The following CBL variants were observed in gnomAD, a reference collection of about 807,000 sequenced individuals.
CBL encodes E3 ubiquitin-protein ligase CBL.
Under a neutral mutation model 96.9 loss-of-function variants are expected in CBL, and 45 were observed. The observed-to-expected ratio is 0.46, with a 90% CI of 0.37 to 0.60. The LOEUF is 0.60. Among genes scored for constraint, CBL ranks in the 20% least tolerant of loss-of-function variants. The pLI is 0.00. For synonymous variants in CBL, 420 were observed against 426.8 expected, an observed-to-expected ratio of 0.98 and a Z score of 0.20; for missense variants, 1,024 against 1,143.5, an observed-to-expected ratio of 0.90 and a Z score of 1.51.
intron 10 of CBL, 37 bp from the exon 11 acceptor site, chr11:119,285,152 G>A: frequency 6.2e-7 from 1 of 1,614,024 alleles, no homozygotes; most frequent in Non-Finnish European, 8.5e-7. Flanking sequence ...GTGTACTAGT[G>A]GGTTTTTACT....
At chr11:119,223,606 T>A (rs1949429217) in intron 1 of CBL, among the ~76,000 whole-genome samples, 2 of 150,662 alleles carry the variant, frequency 1.3e-5, no homozygotes, top group Non-Finnish European at 3.0e-5. Context: ...AATTTTTTTT[T>A]ATTATTATTT....
intron 2 of CBL, among the ~76,000 whole-genome samples, chr11:119,247,417 G>A (rs1278322233): frequency 6.6e-6 from 1 of 152,222 alleles, no homozygotes; most frequent in Non-Finnish European, 1.5e-5. Flanking sequence ...CCATTTGCAT[G>A]TGACATAATT....
chr11:119,206,541 C>T lies in CBL; in HGVS notation c.124C>T (p.His42Tyr), dbSNP rs368813067. Residue 42 changes from histidine to tyrosine, a missense_variant, in exon 1 of 16, where the codon CAC becomes TAC. This residue lies in a region of CBL where 114 missense variants were observed against 117.4 expected (regional missense o/e 0.97). Coordinates refer to ENST00000264033, the MANE Select transcript of CBL (RefSeq NM_005188.4). ...AFQPHHHHHHHLSPHPPGTVD... is the reference protein window; with the variant it reads ...AFQPHHHHHHYLSPHPPGTVD... ...CCAGCCGCACCACCACCACCACCACCACCTCAGCCCCCACCCGCCGGGGAC... is the reference window on the plus strand; with the variant it reads ...CCAGCCGCACCACCACCACCACCACTACCTCAGCCCCCACCCGCCGGGGAC... 18 of 1,552,038 alleles carry T rather than the reference C, an allele frequency of 1.2e-5. No homozygotes were observed. The highest frequency in any genetic ancestry group is 1.6e-5 in the Non-Finnish European group (18 of 1,148,016).
chr11:119,264,388 T>TTTTTCTCTTCTC (rs1949780132), intron 2 of CBL, among the ~76,000 whole-genome samples: 1 of 133,776 alleles, frequency 7.5e-6, no homozygotes, highest in Non-Finnish European at 1.6e-5. Flanking sequence ...TTTCTTTTCT[T>TTTTTCTCTTCTC]TTCTCTTCTC....
chr11:119,206,672 AG>A, intron 1 of CBL, 60 bp downstream of exon 1: 1 of 1,145,186 alleles, frequency 8.7e-7, no homozygotes, highest in Admixed American at 2.7e-5. Flanking sequence ...GGCCGCGGGG[AG>A]GGGAACGAGC....
At chr11:119,283,828 G>C (rs577645569) in intron 9 of CBL, among the ~76,000 whole-genome samples, 27 of 151,074 alleles carry the variant, frequency 1.8e-4, no homozygotes, top group African/African-American at 5.6e-4. Context: ...TAGTAGAGAC[G>C]GGGTTTCACC....
intron 1 of CBL, among the ~76,000 whole-genome samples, chr11:119,206,944 C>T (rs908131367): frequency 6.6e-6 from 1 of 151,778 alleles, no homozygotes; most frequent in Non-Finnish European, 1.5e-5. Context: ...GTTTGGGGCT[C>T]TGTGCAGGGT....
Position 119,306,721 on chromosome 11 carries a change from G to A in CBL, c.*6940G>A, listed in dbSNP as rs1016807835. 4 of 250,594 alleles carry A rather than the reference G, an allele frequency of 1.6e-5. No individual in the cohort carries two copies. Among genetic ancestry groups the A allele is most frequent in the African/African-American group, 2.2e-5 (1 of 46,052 alleles). The allele number at this position is 250,594 out of a possible 1,614,324, so 15.5% of individuals were successfully genotyped here. Reference sequence around the variant, plus strand: ...CTGTCTGGGTGAGTGAGCCTGCAACGCAATGCCCATGAGAGTAAATGCCTC... The same window carrying A: ...CTGTCTGGGTGAGTGAGCCTGCAACACAATGCCCATGAGAGTAAATGCCTC... On this transcript the variant is annotated 3_prime_UTR_variant, in exon 16 of 16. Transcript: ENST00000264033.
chr11:119,284,514 G>C (rs1044127718), intron 9 of CBL, among the ~76,000 whole-genome samples: 1 of 151,892 alleles, frequency 6.6e-6, no homozygotes, highest in Non-Finnish European at 1.5e-5. Context: ...GCCCATACTG[G>C]TCTCGAACTC....
chr11:119,273,269 T>C (rs557961177), intron 3 of CBL, among the ~76,000 whole-genome samples: 1 of 152,254 alleles, frequency 6.6e-6, no homozygotes, highest in African/African-American at 2.4e-5. Flanking sequence ...AGTTTCTCTT[T>C]AAAGGCCTTC....
chr11:119,273,478 G>T (rs932700484), intron 3 of CBL, among the ~76,000 whole-genome samples: 2 of 152,136 alleles, frequency 1.3e-5, no homozygotes, highest in African/African-American at 4.8e-5. Context: ...AGGCTGTAGT[G>T]CAGTGGCACG....
chr11:119,206,473 G>T lies in CBL; in HGVS notation c.56G>T (p.Gly19Val). 1 of 1,577,216 alleles carries T rather than the reference G, an allele frequency of 6.3e-7. No individual in the cohort carries two copies. Residue 19 changes from glycine (G) to valine (V), a missense_variant, in exon 1 of 16, where the codon GGC (glycine) becomes GTC (valine). This residue lies in a region of CBL where 114 missense variants were observed against 117.4 expected (regional missense o/e 0.97). Transcript: ENST00000264033. The stretch of plus-strand genomic sequence containing the variant: ...GCCGGGGGCGGCAGCGGCTCCGGGG[G>T]CTCGGGTTCGGGTGGCCTGATTGGG... ...SGAGGGSGSG[G>V]SGSGGLIGLM... is the part of the protein sequence containing the mutation.
intron 2 of CBL, among the ~76,000 whole-genome samples, chr11:119,256,539 C>CT (rs1047330334): frequency 3.3e-5 from 5 of 151,796 alleles, no homozygotes; most frequent in Admixed American, 1.3e-4. Context: ...AGTTGATGCT[C>CT]TTTTTTTTAG....
chr11:119,273,785 T>G (rs971207378), intron 3 of CBL, 83 bp from the exon 4 acceptor site: 4 of 1,196,686 alleles, frequency 3.3e-6, no homozygotes, highest in Non-Finnish European at 4.9e-6. Flanking sequence ...TTAATGTGGC[T>G]CTCCTTCCTT....
intron 9 of CBL, among the ~76,000 whole-genome samples, chr11:119,284,751 G>T (rs1340565389): frequency 6.6e-6 from 1 of 152,168 alleles, no homozygotes; most frequent in Non-Finnish European, 1.5e-5. Flanking sequence ...TGGTGTTTCT[G>T]TGATTGAGAG....
At position 119,301,755 on chromosome 11, in the gene CBL, TAG is replaced by T. The variant is rs575371995; in HGVS notation, c.*1977_*1978del. Reference sequence around the variant, plus strand: ...TAGGTGAGGCGGTCCCGAGTTGAGGTAGAGTGGGGCAGAGGAAGATGGCAGTG... The same window carrying T: ...TAGGTGAGGCGGTCCCGAGTTGAGGTAGTGGGGCAGAGGAAGATGGCAGTG... On this transcript the variant is annotated 3_prime_UTR_variant, in exon 16 of 16. Transcript: ENST00000264033. 2.7e-4 allele frequency: 64 copies of T among 233,176 alleles called. No homozygotes were observed. The highest frequency in any genetic ancestry group is 1.3e-3 in the African/African-American group (59 of 45,426). The allele number at this position is 233,176 out of a possible 1,614,324, so 14.4% of individuals were successfully genotyped here. A position where few individuals can be genotyped will look rare whatever the true frequency, so the allele number is the denominator to read the frequency against.
chr11:119,232,875 CTGAT>C (rs1949515129), intron 2 of CBL, among the ~76,000 whole-genome samples, 180 bp downstream of exon 2: 1 of 152,140 alleles, frequency 6.6e-6, no homozygotes, highest in Non-Finnish European at 1.5e-5. Context: ...ATCCCTAACT[CTGAT>C]TGATTTGCTT....
intron 2 of CBL, among the ~76,000 whole-genome samples, chr11:119,257,464 T>A (rs1227713033): frequency 6.6e-6 from 1 of 152,204 alleles, no homozygotes; most frequent in Non-Finnish European, 1.5e-5. Flanking sequence ...TTATTTGTTG[T>A]TGTTGTTTTC....
At chr11:119,267,220 G>A (rs1394921200) in intron 2 of CBL, among the ~76,000 whole-genome samples, 1 of 152,134 alleles carries the variant, frequency 6.6e-6, no homozygotes, top group Non-Finnish European at 1.5e-5. Flanking sequence ...AGGCTTTTTG[G>A]AGGGATGCAT....
Sources: gnomAD v4.1 joint callset for allele counts (sites outside exome capture counted in the v4.1 genomes callset) on GRCh38, gnomAD v4.1.1 for gene constraint, gnomAD v4.1.1 regional missense constraint, MANE v1.5 for transcripts, NCBI Gene and HGNC (gene_info 2026-07-23, HGNC 2026-07-21) for gene names.